DRAXIN: variants seen among roughly 807,000 people sequenced by gnomAD.
DRAXIN encodes dorsal inhibitory axon guidance protein.
Under a neutral mutation model 33.9 loss-of-function variants are expected in DRAXIN, and 27 were observed. That is an observed-to-expected ratio of 0.80 (90% CI 0.59 to 1.10). The LOEUF is 1.10. DRAXIN is among the 50% of genes least tolerant of loss of function. The pLI, the probability that DRAXIN is intolerant of heterozygous loss-of-function variation, is 0.00. For synonymous variants in DRAXIN, 178 were observed against 194.0 expected (o/e 0.92, Z 0.69); for missense variants, 371 against 460.8 (o/e 0.81, Z 1.78).
upstream of DRAXIN, among the ~76,000 whole-genome samples, chr1:11,687,971 A>G (rs1640989076): frequency 3.3e-5 from 5 of 152,296 alleles, no homozygotes; most frequent in South Asian, 8.3e-4. This position sits in a 1 kb window ranked among gnomAD's most constrained non-coding sequence, Gnocchi z 4.1. Flanking sequence ...ATAGGAGTCC[A>G]GGCCTCTCCT....
rs1249287485 is a variant in DRAXIN at position 11,710,691 on chromosome 1, G to C, written c.643-1160G>C. Among the ~76,000 whole-genome samples, 4 of 148,486 alleles carry C rather than the reference G, an allele frequency of 2.7e-5. No individual in the cohort carries two copies. The East Asian group carries it at 7.9e-4, about 29-fold the overall frequency. On this transcript the variant is annotated intron_variant, in intron 3 of 6. Coordinates refer to ENST00000294485, the MANE Select transcript of DRAXIN (RefSeq NM_198545.4). ...GCACTTTGGGAGGCCAAGGCGGGCA[G>C]ATCACAAGGTCAGGAAATCGAGACC...
At position 11,723,564 on chromosome 1, in the gene DRAXIN, T is replaced by C. The variant is rs1641686751; in HGVS notation, c.*3868T>C. On this transcript the variant is annotated 3_prime_UTR_variant, in exon 7 of 7. Transcript: ENST00000294485. ...AATAATAACTCTCCCTTCATAGGGT[T>C]GTTGTGAGTAGTGAATGCATACTTC... 6.6e-6 allele frequency: 1 copy of C among 152,032 alleles called. No individual in the cohort carries two copies. 9.4% of individuals were successfully genotyped at this position (152,032 alleles called of 1,614,324 possible). A position where few individuals can be genotyped will look rare whatever the true frequency, so the allele number is the denominator to read the frequency against.
At chr1:11,710,552 C>A (rs547130433) in intron 3 of DRAXIN, among the ~76,000 whole-genome samples, 2 of 151,662 alleles carry the variant, frequency 1.3e-5, no homozygotes, top group African/African-American at 4.8e-5. Context: ...AAACACTACC[C>A]ACTGGTGATT....
rs33962639 is a variant in DRAXIN, at chr1:11,702,304, GCACA to G, written c.-10-3937_-10-3934del. Among the ~76,000 whole-genome samples the G allele has an allele frequency of 7.4e-5, 11 of 148,360 alleles. No homozygotes were observed. The East Asian group carries it at 1.6e-3, about 22-fold the overall frequency. On this transcript the variant is annotated intron_variant, in intron 1 of 6. Transcript: ENST00000294485. ...ACATATTCACACTCACATGCTCACA[GCACA>G]CACACACGCTCACGCACATGCTAAC... is the stretch of plus-strand genomic sequence containing the variant.
At chr1:11,691,199 G>T (rs1290023714), upstream of DRAXIN, among the ~76,000 whole-genome samples, 1 of 152,102 alleles carries the variant, frequency 6.6e-6, no homozygotes, top group Admixed American at 6.5e-5. Flanking sequence ...GACAGTCTAG[G>T]CGGAATAATC....
Position 11,711,862 on chromosome 1 carries a change from C to A in DRAXIN, c.654C>A (p.Pro218=), listed in dbSNP as rs1488902982. The part of the protein sequence containing the change: ...VTSLRPQQAQ[P]RSDGEVMPTL... ...TCCACGGTCTCCAGCAGGCACAGCC[C>A]AGGTCTGACGGGGAGGTGATGCCCA... Residue 218 remains proline, a synonymous_variant, in exon 4 of 7, where the codon CCC becomes CCA. Coordinates refer to ENST00000294485, the MANE Select transcript of DRAXIN (RefSeq NM_198545.4). The A allele has an allele frequency of 1.2e-6, 2 of 1,613,188 alleles. No homozygotes were observed. The highest frequency in any genetic ancestry group is 1.7e-6 in the Non-Finnish European group (2 of 1,179,614).
intron 1 of DRAXIN, among the ~76,000 whole-genome samples, chr1:11,702,119 A>G (rs565947733): frequency 6.6e-6 from 1 of 151,508 alleles, no homozygotes; most frequent in South Asian, 2.1e-4. Flanking sequence ...GTTCACACAC[A>G]CATGCTCACA....
intron 3 of DRAXIN, among the ~76,000 whole-genome samples, chr1:11,710,600 T>C (rs1342665690): frequency 6.6e-6 from 1 of 152,042 alleles, no homozygotes; most frequent in Non-Finnish European, 1.5e-5. Flanking sequence ...CGCATCGTTC[T>C]TGCACCTCTT....
Position 11,706,616 on chromosome 1 carries a change from C to G in DRAXIN, c.358C>G (p.Pro120Ala). ...DLLLGLALPY[P>A]EKENRPPGWE... Reference sequence around the variant, plus strand: ...GCTCCTGGGACTGGCATTGCCCTACCCCGAGAAGGAGAACCGACCTCCAGG... The same window carrying G: ...GCTCCTGGGACTGGCATTGCCCTACGCCGAGAAGGAGAACCGACCTCCAGG... The change falls in exon 2 of 7, where the codon CCC (proline) becomes GCC (alanine). Residue 120 changes from proline to alanine, a missense_variant. By Grantham distance (27) the Pro-to-Ala change is conservative. Coordinates refer to ENST00000294485, the MANE Select transcript of DRAXIN (RefSeq NM_198545.4). This position sits in a 1 kb window ranked among gnomAD's most constrained non-coding sequence, Gnocchi z 5.5. The G allele has an allele frequency of 1.9e-6, 3 of 1,602,250 alleles. No homozygotes were observed. The highest frequency in any genetic ancestry group is 2.5e-6 in the Non-Finnish European group (3 of 1,179,532).
At chr1:11,710,368 G>A (rs1450967560) in intron 3 of DRAXIN, among the ~76,000 whole-genome samples, 3 of 151,856 alleles carry the variant, frequency 2.0e-5, no homozygotes, top group Non-Finnish European at 4.4e-5. Context: ...GAGGGCATGT[G>A]CCTGTAGTAC....
chr1:11,692,175 G>C lies in DRAXIN; in HGVS notation c.-11+322G>C, dbSNP rs1390764568. Among the ~76,000 whole-genome samples the C allele has an allele frequency of 2.0e-5, 3 of 152,160 alleles. No individual in the cohort carries two copies. The East Asian group carries it at 5.8e-4, about 29-fold the overall frequency. Reference sequence around the variant, plus strand: ...CGCCCTCGCCGCCCTCTGGGGTCCCGGCTCGCACCTACTCTCCTCGGCACT... The same window carrying C: ...CGCCCTCGCCGCCCTCTGGGGTCCCCGCTCGCACCTACTCTCCTCGGCACT... On this transcript the variant is annotated intron_variant, in intron 1 of 6. Coordinates refer to ENST00000294485, the MANE Select transcript of DRAXIN (RefSeq NM_198545.4). This position sits in a 1 kb window ranked among gnomAD's most constrained non-coding sequence, Gnocchi z 5.8.
chr1:11,706,716 G>T lies in DRAXIN; in HGVS notation c.451+7G>T. The T allele has an allele frequency of 2.6e-6, 4 of 1,552,924 alleles. No individual in the cohort carries two copies. The highest frequency in any genetic ancestry group is 3.5e-6 in the Non-Finnish European group (4 of 1,153,672). Reference sequence around the variant, plus strand: ...AGGTTGAGGCTGCACCAAGGTAGCTGGAGGGCTGCGAGGGGTGGGGATGGG... The same window carrying T: ...AGGTTGAGGCTGCACCAAGGTAGCTTGAGGGCTGCGAGGGGTGGGGATGGG... On this transcript the variant is annotated splice_region_variant and intron_variant, in intron 2 of 6. Coordinates refer to ENST00000294485, the MANE Select transcript of DRAXIN (RefSeq NM_198545.4). This position sits in a 1 kb window ranked among gnomAD's most constrained non-coding sequence, Gnocchi z 5.5.
Position 11,725,298 on chromosome 1 carries a change from A to G in DRAXIN, c.*5602A>G, listed in dbSNP as rs1641723064. On this transcript the variant is annotated 3_prime_UTR_variant, in exon 7 of 7. Coordinates refer to ENST00000294485, the MANE Select transcript of DRAXIN (RefSeq NM_198545.4). ...ACCACTGCACTCCAGCTTAGGCAATACAGCGAGACCTTGTCTCAAAAAAAG... is the reference window on the plus strand; with the variant it reads ...ACCACTGCACTCCAGCTTAGGCAATGCAGCGAGACCTTGTCTCAAAAAAAG... 6.6e-6 allele frequency: 1 copy of G among 152,226 alleles called. No homozygotes were observed. Among genetic ancestry groups the G allele is most frequent in the Non-Finnish European group, 1.5e-5 (1 of 68,062 alleles). 9.4% of individuals were successfully genotyped at this position (152,226 alleles called of 1,614,324 possible).
Position 11,719,772 on chromosome 1 carries a change from G to A in DRAXIN, c.*76G>A, listed in dbSNP as rs1464156583. Reference sequence around the variant, plus strand: ...GATTTGTTTGTAACTAGCAGTGGGAGATCAAGTTGGGGAACAGATGGCTGA... The same window carrying A: ...GATTTGTTTGTAACTAGCAGTGGGAAATCAAGTTGGGGAACAGATGGCTGA... On this transcript the variant is annotated 3_prime_UTR_variant, in exon 7 of 7. Transcript: ENST00000294485. 7.7e-7 allele frequency: 1 copy of A among 1,295,466 alleles called. No homozygotes were observed. The highest frequency in any genetic ancestry group is 1.9e-5 in the Admixed American group (1 of 52,050). The allele number at this position is 1,295,466 out of a possible 1,614,324, so 80.2% of individuals were successfully genotyped here.
At chr1:11,691,213 T>C (rs1316783530), upstream of DRAXIN, among the ~76,000 whole-genome samples, 2 of 152,108 alleles carry the variant, frequency 1.3e-5, no homozygotes, top group African/African-American at 4.8e-5. Context: ...AATAATCCTT[T>C]TGTGGCCCCG....
intron 6 of DRAXIN, among the ~76,000 whole-genome samples, chr1:11,717,275 T>A (rs538205801): frequency 3.3e-5 from 5 of 151,522 alleles, no homozygotes; most frequent in Non-Finnish European, 7.4e-5. Context: ...TGAGTGAGAC[T>A]CTGTCTCAAA....
At chr1:11,702,291 TCA>T (rs1641303823) in intron 1 of DRAXIN, among the ~76,000 whole-genome samples, 1 of 140,878 alleles carries the variant, frequency 7.1e-6, no homozygotes, top group East Asian at 2.2e-4. Flanking sequence ...ATATTCACAC[TCA>T]CATGCTCACA....
chr1:11,707,750 T>C (rs1641412556), intron 2 of DRAXIN, among the ~76,000 whole-genome samples: 1 of 152,132 alleles, frequency 6.6e-6, no homozygotes, highest in Non-Finnish European at 1.5e-5. Flanking sequence ...CCACATCCGC[T>C]GGGAGCTAGC....
At chr1:11,690,456 G>A (rs1487738002), upstream of DRAXIN, among the ~76,000 whole-genome samples, 1 of 152,162 alleles carries the variant, frequency 6.6e-6, no homozygotes. This position sits in a 1 kb window ranked among gnomAD's most constrained non-coding sequence, Gnocchi z 4.2. Flanking sequence ...CTGCATTCAC[G>A]CCTAGAACAC....
Sources: gnomAD v4.1 joint callset for allele counts (sites outside exome capture counted in the v4.1 genomes callset) on GRCh38, gnomAD v4.1.1 for gene constraint, Gnocchi (gnomAD v3.1) non-coding constraint, MANE v1.5 for transcripts, NCBI Gene and HGNC (gene_info 2026-07-23, HGNC 2026-07-21) for gene names.